The following CBR4 variants were observed in gnomAD, a reference collection of about 807,000 sequenced individuals.
CBR4 encodes the protein carbonyl reductase 4.
A neutral mutation model predicts 21.0 loss-of-function variants in CBR4; 22 were observed. The ratio of observed to expected loss-of-function variants is 1.05; its 90% CI spans 0.75 to 1.50. The LOEUF is 1.50. CBR4 is among the 40% of genes most tolerant of loss of function. CBR4 has a pLI of 0.00. For synonymous variants in CBR4, 100 were observed against 104.4 expected (o/e 0.96, Z 0.26); for missense variants, 302 against 286.3 (o/e 1.05, Z -0.40).
intron 4 of CBR4, among the ~76,000 whole-genome samples, chr4:168,998,523 T>A (rs1289384678): frequency 6.6e-6 from 1 of 152,154 alleles, no homozygotes; most frequent in Non-Finnish European, 1.5e-5. Flanking sequence ...CTGGGGAGAT[T>A]GGAAAGAAAT....
At chr4:168,922,926 T>G (rs1761866596) in intron 2 of CBR4, among the ~76,000 whole-genome samples, 1 of 152,216 alleles carries the variant, frequency 6.6e-6, no homozygotes, top group Non-Finnish European at 1.5e-5. Flanking sequence ...GTCCCGGCTC[T>G]TGTCGATTTT....
Position 169,006,803 on chromosome 4 carries a change from C to T in CBR4, c.352G>A (p.Ala118Thr), listed in dbSNP as rs766457697. Residue 118 changes from alanine (A) to threonine (T), a missense_variant, in exon 3 of 5, where the codon GCC (alanine) becomes ACC (threonine). Physicochemically the swap from Ala to Thr is moderately conservative, Grantham distance 58. Transcript: ENST00000306193. ...TGTTGTTGAATCATAGTCCTCATGG[C>T]AGCTTTACAGGTCAGCATGGAACCC... Reference protein sequence around the residue: ...LLGSMLTCKAAMRTMIQQQGG... With the variant: ...LLGSMLTCKATMRTMIQQQGG... 1 of 1,613,844 alleles carries T rather than the reference C, an allele frequency of 6.2e-7. No homozygotes were observed. Among genetic ancestry groups the T allele is most frequent in the Non-Finnish European group, 8.5e-7 (1 of 1,179,738 alleles).
At chr4:168,949,985 G>T (rs1170002506) in intron 2 of CBR4, among the ~76,000 whole-genome samples, 1 of 152,026 alleles carries the variant, frequency 6.6e-6, no homozygotes, top group Non-Finnish European at 1.5e-5. Flanking sequence ...TCTTATTGAG[G>T]TTATTTGGAT....
intron 2 of CBR4, among the ~76,000 whole-genome samples, chr4:168,973,914 A>G (rs1388458541): frequency 6.6e-6 from 1 of 152,166 alleles, no homozygotes; most frequent in Non-Finnish European, 1.5e-5. Context: ...CACCATTTAT[A>G]GTCAACTTTA....
At chr4:168,906,940 C>T (rs1229128698) in intron 2 of CBR4, among the ~76,000 whole-genome samples, 1 of 152,128 alleles carries the variant, frequency 6.6e-6, no homozygotes, top group Non-Finnish European at 1.5e-5. Flanking sequence ...TAGGGCAACA[C>T]CGATGATACT....
At chr4:168,931,231 A>C (rs116498604) in intron 2 of CBR4, among the ~76,000 whole-genome samples, 2,475 of 152,326 alleles carry the variant, frequency 0.016, 56 homozygotes, top group African/African-American at 0.04. Context: ...ACATGCCCTC[A>C]GGCCAGAACC....
chr4:168,916,170 T>C (rs1760044060), intron 2 of CBR4: 6 of 847,120 alleles, frequency 7.1e-6, no homozygotes, highest in South Asian at 6.8e-5. Context: ...CCCAGCACTT[T>C]AGAGTCCAAA....
chr4:168,895,499 GTATGT>G (rs1239682190), intron 2 of CBR4, among the ~76,000 whole-genome samples: 3 of 152,228 alleles, frequency 2.0e-5, no homozygotes, highest in African/African-American at 2.4e-5. Flanking sequence ...CACGTATTCT[GTATGT>G]TATATGTATT....
At chr4:168,998,587 T>G (rs1765316539) in intron 4 of CBR4, among the ~76,000 whole-genome samples, 1 of 152,194 alleles carries the variant, frequency 6.6e-6, no homozygotes. Context: ...GAAAACGTTC[T>G]AAAATTTACT....
At chr4:168,942,038 G>A (rs1171717450) in intron 2 of CBR4, among the ~76,000 whole-genome samples, 1 of 152,124 alleles carries the variant, frequency 6.6e-6, no homozygotes. Flanking sequence ...ATATACCATA[G>A]AATACTATGC....
intron 2 of CBR4, chr4:168,898,551 A>C: frequency 6.2e-7 from 1 of 1,613,828 alleles, no homozygotes; most frequent in Non-Finnish European, 8.5e-7. Flanking sequence ...TACAGGCTAG[A>C]AAGGTCTCCT....
intron 4 of CBR4, among the ~76,000 whole-genome samples, chr4:168,998,335 A>C (rs1765302692): frequency 2.6e-5 from 4 of 152,212 alleles, no homozygotes; most frequent in Admixed American, 2.6e-4. Flanking sequence ...CTAAATGTCC[A>C]TCAAAAGGCA....
In CBR4 at chr4:168,988,871, CACTG is replaced by C. The variant is rs1764785986; in HGVS notation, c.*1275_*1278del. The C allele has an allele frequency of 2.7e-5, 26 of 967,410 alleles. No homozygotes were observed. Among genetic ancestry groups the C allele is most frequent in the Non-Finnish European group, 3.2e-5 (26 of 813,548 alleles). The allele number at this position is 967,410 out of a possible 1,614,324, so 59.9% of individuals were successfully genotyped here. On this transcript the variant is annotated 3_prime_UTR_variant, in exon 5 of 5. Coordinates refer to ENST00000306193, the MANE Select transcript of CBR4 (RefSeq NM_032783.5). Reference sequence around the variant, plus strand: ...TTAGTATATCCTATTCATAATTTTGCACTGACTTTCAATATAAAATTAAATCTCT... The same window carrying C: ...TTAGTATATCCTATTCATAATTTTGCACTTTCAATATAAAATTAAATCTCT...
chr4:168,927,351 C>A (rs1429663107), intron 2 of CBR4: 1 of 232,534 alleles, frequency 4.3e-6, no homozygotes, highest in African/African-American at 2.2e-5. Flanking sequence ...CACTGCCATT[C>A]ACAAGTCAAG....
At chr4:168,973,403 C>T (rs971440875) in intron 2 of CBR4, among the ~76,000 whole-genome samples, 9 of 152,202 alleles carry the variant, frequency 5.9e-5, no homozygotes, top group African/African-American at 2.2e-4. Flanking sequence ...TCTCAGCTCA[C>T]TGCAACCTCC....
At chr4:168,921,734 G>C (rs1399484562) in intron 2 of CBR4, 1 of 1,611,046 alleles carries the variant, frequency 6.2e-7, no homozygotes, top group African/African-American at 1.3e-5. Context: ...TGGAGCTTGT[G>C]GTTGCTGGTA....
chr4:168,995,199 T>C (rs931660019), intron 4 of CBR4, among the ~76,000 whole-genome samples: 2 of 152,220 alleles, frequency 1.3e-5, no homozygotes, highest in Non-Finnish European at 2.9e-5. Flanking sequence ...GGTAGGTACA[T>C]AGAGGTTAGA....
At chr4:168,900,272 G>A (rs1234895147) in intron 2 of CBR4, among the ~76,000 whole-genome samples, 1 of 152,058 alleles carries the variant, frequency 6.6e-6, no homozygotes, top group Non-Finnish European at 1.5e-5. Flanking sequence ...AGATTTGGAG[G>A]GGACAGACAT....
chr4:168,907,121 G>GATA (rs149118003), intron 2 of CBR4, among the ~76,000 whole-genome samples: 17 of 150,978 alleles, frequency 1.1e-4, no homozygotes, highest in South Asian at 4.2e-4. Flanking sequence ...AAATGAGGAT[G>GATA]ATAATAATAA....
Sources: gnomAD v4.1 joint callset for allele counts (sites outside exome capture counted in the v4.1 genomes callset) on GRCh38, gnomAD v4.1.1 for gene constraint, MANE v1.5 for transcripts, NCBI Gene and HGNC (gene_info 2026-07-23, HGNC 2026-07-21) for gene names.